The following STAB2 variants were observed in gnomAD, a reference collection of about 807,000 sequenced individuals.
STAB2 encodes stabilin-2.
STAB2 carries 288 observed loss-of-function variants against 338.1 expected under a neutral mutation model. The observed-to-expected ratio is 0.85, with a 90% CI of 0.77 to 0.94. The LOEUF is 0.94. Ranked by LOEUF, STAB2 falls within the 40% of genes least tolerant of loss-of-function variation. The probability of loss-of-function intolerance (pLI) is 0.00; values close to 1 mark genes in which losing one functional copy is unlikely to be tolerated. For synonymous variants in STAB2, 1,202 were observed against 1,193.3 expected (o/e 1.01, Z -0.15); for missense variants, 3,141 against 3,210.1 (o/e 0.98, Z 0.52).
rs987129727 is a variant in STAB2, at chr12:103,686,214, C to T, written c.2997+1130C>T. The stretch of plus-strand genomic sequence containing the variant: ...CACGAGCCTAACAATTCCCAGGACC[C>T]GCAGCCTGCACTAAGAGTCTCGCCC... On this transcript the variant is annotated intron_variant, in intron 27 of 68. Transcript: ENST00000388887. Among the ~76,000 whole-genome samples, 9 of 152,294 alleles carry T rather than the reference C, an allele frequency of 5.9e-5. No individual in the cohort carries two copies. In the East Asian group the frequency reaches 7.7e-4, roughly 13 times the overall value.
At position 103,590,829 on chromosome 12, in the gene STAB2, G is replaced by A. The variant is rs1021563380; in HGVS notation, c.82-68G>A. On this transcript the variant is annotated intron_variant, in intron 1 of 68. Transcript: ENST00000388887. Reference sequence around the variant, plus strand: ...GGAGACATTCCAGTGGAGAAGATTGGCCATGCTAGATGTTTTGCAAGACTC... The same window carrying A: ...GGAGACATTCCAGTGGAGAAGATTGACCATGCTAGATGTTTTGCAAGACTC... 3.2e-6 allele frequency: 5 copies of A among 1,586,300 alleles called. No individual in the cohort carries two copies. The African/African-American group carries it at 5.4e-5, about 17-fold the overall frequency.
chr12:103,763,655 G>T, intron 68 of STAB2, 47 bp downstream of exon 68: 1 of 1,506,730 alleles, frequency 6.6e-7, no homozygotes, highest in East Asian at 2.3e-5. Flanking sequence ...GGGGTACAGG[G>T]GAATGATGTC....
At chr12:103,664,787 G>A (rs945542595) in intron 18 of STAB2, among the ~76,000 whole-genome samples, 2 of 152,126 alleles carry the variant, frequency 1.3e-5, no homozygotes, top group African/African-American at 4.8e-5. Flanking sequence ...TATGATTTAG[G>A]CCACAGAGGA....
chr12:103,713,480 C>T (rs1271076149), intron 41 of STAB2, among the ~76,000 whole-genome samples, 163 bp from the exon 42 acceptor site: 1 of 152,226 alleles, frequency 6.6e-6, no homozygotes, highest in Non-Finnish European at 1.5e-5. Context: ...GGGCAAATCA[C>T]AGATGTTTTA....
chr12:103,642,794 A>G (rs550230663), intron 9 of STAB2, among the ~76,000 whole-genome samples: 1 of 152,286 alleles, frequency 6.6e-6, no homozygotes, highest in Admixed American at 6.5e-5. Flanking sequence ...GAAGCCTGCA[A>G]TTTCCTGCCC....
Position 103,587,295 on chromosome 12 carries a change from T to C in STAB2, c.-182T>C. The stretch of plus-strand genomic sequence containing the variant: ...TTCACCAAGACTCCTGGATTTGCCA[T>C]TTTTCCTTTCTGAAGGCAGGTCTCA... On this transcript the variant is annotated 5_prime_UTR_variant, in exon 1 of 69. Coordinates refer to ENST00000388887, the MANE Select transcript of STAB2 (RefSeq NM_017564.10). The C allele has an allele frequency of 3.3e-6, 2 of 598,712 alleles. No homozygotes were observed. The allele number at this position is 598,712 out of a possible 1,614,324, so 37.1% of individuals were successfully genotyped here. A position where few individuals can be genotyped will look rare whatever the true frequency, so the allele number is the denominator to read the frequency against.
intron 68 of STAB2, 98 bp downstream of exon 68, chr12:103,763,706 T>A (rs1170024152): frequency 8.7e-7 from 1 of 1,152,108 alleles, no homozygotes; most frequent in Non-Finnish European, 1.3e-6. Flanking sequence ...CCAAAGAAGG[T>A]TCATTTCTAG....
At chr12:103,742,356 G>T (rs1473049458) in intron 55 of STAB2, 49 bp from the exon 56 acceptor site, 1 of 1,601,692 alleles carries the variant, frequency 6.2e-7, no homozygotes, top group Non-Finnish European at 8.5e-7. Context: ...GTGCTGAGCT[G>T]CTCTGGCTTT....
At chr12:103,592,144 C>T (rs1481376891) in intron 2 of STAB2, 1 of 152,034 alleles carries the variant, frequency 6.6e-6, no homozygotes, top group East Asian at 1.9e-4. Flanking sequence ...CCTGTTCCTC[C>T]TTTTGGAGGT....
At chr12:103,673,494 A>T (rs1876022288) in intron 22 of STAB2, among the ~76,000 whole-genome samples, 1 of 151,936 alleles carries the variant, frequency 6.6e-6, no homozygotes. Flanking sequence ...GACCACAAGC[A>T]CACACCATCA....
chr12:103,715,341 G>A (rs147716369), intron 42 of STAB2, among the ~76,000 whole-genome samples: 1 of 152,000 alleles, frequency 6.6e-6, no homozygotes, highest in Non-Finnish European at 1.5e-5. Flanking sequence ...CTGATAAGCA[G>A]TCAGAGGAGA....
chr12:103,753,336 C>T lies in STAB2; in HGVS notation c.6697C>T (p.Leu2233Phe), dbSNP rs201500558. ...EAATMATYNQ[L>F]SYAQKAKYHL... Reference sequence around the variant, plus strand: ...TGCGACCATGGCAACCTACAACCAGCTCTCCTATGCCCAGAAGGTGGGTCT... The same window carrying T: ...TGCGACCATGGCAACCTACAACCAGTTCTCCTATGCCCAGAAGGTGGGTCT... Residue 2233 changes from leucine (L) to phenylalanine (F), a missense_variant, in exon 61 of 69, where the codon CTC (leucine) becomes TTC (phenylalanine). Coordinates refer to ENST00000388887, the MANE Select transcript of STAB2 (RefSeq NM_017564.10). 1 of 1,614,264 alleles carries T rather than the reference C, an allele frequency of 6.2e-7. No individual in the cohort carries two copies. The highest frequency in any genetic ancestry group is 1.3e-5 in the African/African-American group (1 of 75,074).
chr12:103,590,186 T>C (rs977138884), intron 1 of STAB2, among the ~76,000 whole-genome samples: 1 of 152,220 alleles, frequency 6.6e-6, no homozygotes, highest in Non-Finnish European at 1.5e-5. Context: ...AGTAGTTACA[T>C]ATCCACCACC....
At chr12:103,750,755 C>T (rs1394604893) in intron 60 of STAB2, 35 bp downstream of exon 60, 2 of 1,591,002 alleles carry the variant, frequency 1.3e-6, no homozygotes, top group African/African-American at 2.7e-5. Context: ...CCAAAGCACC[C>T]TCCTCTTCAG....
intron 55 of STAB2, among the ~76,000 whole-genome samples, chr12:103,741,256 C>G (rs1882562029): frequency 6.6e-6 from 1 of 152,182 alleles, no homozygotes; most frequent in Non-Finnish European, 1.5e-5. Flanking sequence ...TGGGCCCATT[C>G]TGAAACCCCT....
In STAB2 at chr12:103,750,910, G is replaced by A. The variant is rs1292517305; in HGVS notation, c.6580+190G>A. On this transcript the variant is annotated intron_variant, in intron 60 of 68. Transcript: ENST00000388887. ...GTTGGAGACCAGCCCGGCCAACATG[G>A]CAAAACCCCATCTCTACTAAAAATA... is the stretch of plus-strand genomic sequence containing the variant. Among the ~76,000 whole-genome samples, 5 of 152,222 alleles carry A rather than the reference G, an allele frequency of 3.3e-5. No individual in the cohort carries two copies. In the East Asian group the frequency reaches 9.6e-4, roughly 29 times the overall value.
chr12:103,683,342 A>G (rs780594724), intron 26 of STAB2, 42 bp downstream of exon 26: 1 of 1,517,444 alleles, frequency 6.6e-7, no homozygotes, highest in East Asian at 2.3e-5. Context: ...AAAAAAAAAA[A>G]AAAAACAATG....
At chr12:103,715,308 TA>T (rs1880219109) in intron 42 of STAB2, among the ~76,000 whole-genome samples, 1 of 151,296 alleles carries the variant, frequency 6.6e-6, no homozygotes, top group Non-Finnish European at 1.5e-5. Flanking sequence ...ATTATACAGT[TA>T]TTTTTTTTTT....
chr12:103,602,599 G>A (rs1343905686), intron 3 of STAB2, among the ~76,000 whole-genome samples: 1 of 152,198 alleles, frequency 6.6e-6, no homozygotes, highest in South Asian at 2.1e-4. Flanking sequence ...CAATGTATGA[G>A]GAGTCCAGTT....
Sources: gnomAD v4.1 joint callset for allele counts (sites outside exome capture counted in the v4.1 genomes callset) on GRCh38, gnomAD v4.1.1 for gene constraint, MANE v1.5 for transcripts, NCBI Gene and HGNC (gene_info 2026-07-23, HGNC 2026-07-21) for gene names.